The following CBFA2T2 variants were observed in gnomAD, a reference collection of about 807,000 sequenced individuals.
CBFA2T2 encodes CBFA2/RUNX1 partner transcriptional co-repressor 2.
A neutral mutation model predicts 62.2 loss-of-function variants in CBFA2T2; 11 were observed. The ratio of observed to expected loss-of-function variants is 0.18; its 90% CI spans 0.11 to 0.29. The LOEUF (loss-of-function observed/expected upper bound fraction) is 0.29. CBFA2T2 is among the 10% of genes least tolerant of loss of function. The pLI is 1.00. For synonymous variants in CBFA2T2, 295 were observed against 287.5 expected, an observed-to-expected ratio of 1.03 and a Z score of -0.27; for missense variants, 592 against 774.1, an observed-to-expected ratio of 0.76 and a Z score of 2.79.
intron 1 of CBFA2T2, among the ~76,000 whole-genome samples, chr20:33,538,259 C>T (rs1282515644): frequency 6.6e-6 from 1 of 151,956 alleles, no homozygotes; most frequent in Admixed American, 6.6e-5. Context: ...TTGGTCATTG[C>T]TACTCTATAG....
intron 1 of CBFA2T2, chr20:33,562,278 G>A: frequency 2.0e-6 from 1 of 511,046 alleles, no homozygotes; most frequent in Non-Finnish European, 2.5e-6. Context: ...GGAGCCACTG[G>A]GAGGTGTGTA....
At chr20:33,559,713 C>T (rs1327462066) in intron 1 of CBFA2T2, among the ~76,000 whole-genome samples, 6 of 152,026 alleles carry the variant, frequency 3.9e-5, no homozygotes, top group African/African-American at 1.4e-4. Context: ...GTCTTGATCT[C>T]CTGACCTTGT....
At chr20:33,602,722 A>G (rs2015185659) in intron 1 of CBFA2T2, among the ~76,000 whole-genome samples, 1 of 152,198 alleles carries the variant, frequency 6.6e-6, no homozygotes, top group Non-Finnish European at 1.5e-5. Flanking sequence ...CTTACAGTAG[A>G]TGTCAGCAAC....
At chr20:33,627,514 A>G (rs2016285653) in intron 6 of CBFA2T2, among the ~76,000 whole-genome samples, 2 of 152,282 alleles carry the variant, frequency 1.3e-5, no homozygotes, top group African/African-American at 4.8e-5. Flanking sequence ...AGAAAGAAGT[A>G]TGCTAAAAAC....
intron 1 of CBFA2T2, among the ~76,000 whole-genome samples, chr20:33,517,958 A>AT (rs915538819): frequency 2.7e-5 from 4 of 149,206 alleles, no homozygotes; most frequent in Non-Finnish European, 4.5e-5. Context: ...TTTTGCTTTT[A>AT]TTTTTTTTGA....
intron 6 of CBFA2T2, among the ~76,000 whole-genome samples, chr20:33,625,927 C>G (rs1489867486): frequency 1.3e-5 from 2 of 152,170 alleles, no homozygotes; most frequent in Non-Finnish European, 2.9e-5. Context: ...ACAGTGAAAC[C>G]CTGTCTCTAC....
At chr20:33,640,313 A>T in intron 9 of CBFA2T2, 28 bp from the exon 10 acceptor site, 1 of 1,598,586 alleles carries the variant, frequency 6.3e-7, no homozygotes, top group Non-Finnish European at 8.6e-7. Context: ...TTTCTCGGCC[A>T]GTTGATTTTA....
intron 1 of CBFA2T2, among the ~76,000 whole-genome samples, chr20:33,518,846 G>T (rs921105911): frequency 1.3e-5 from 2 of 151,330 alleles, no homozygotes; most frequent in Admixed American, 1.3e-4. Flanking sequence ...TTTTGAGACG[G>T]AGTCTGGCTC....
At chr20:33,595,748 C>CCTCACA (rs1568841595) in intron 1 of CBFA2T2, among the ~76,000 whole-genome samples, 2 of 151,760 alleles carry the variant, frequency 1.3e-5, no homozygotes, top group East Asian at 1.9e-4. Context: ...CCATGTTGGC[C>CCTCACA]AGGCTGGTCT....
At chr20:33,626,164 C>T (rs1341379167) in intron 6 of CBFA2T2, among the ~76,000 whole-genome samples, 1 of 152,124 alleles carries the variant, frequency 6.6e-6, no homozygotes, top group African/African-American at 2.4e-5. Flanking sequence ...TGCTTGAGCC[C>T]AAGAGGTCAA....
At chr20:33,567,918 AG>A (rs2013406219) in intron 1 of CBFA2T2, among the ~76,000 whole-genome samples, 1 of 152,180 alleles carries the variant, frequency 6.6e-6, no homozygotes, top group Non-Finnish European at 1.5e-5. Context: ...ATGTATGTAT[AG>A]GAGAAAACAT....
chr20:33,501,134 T>C (rs757111586), intron 1 of CBFA2T2, among the ~76,000 whole-genome samples: 4 of 152,220 alleles, frequency 2.6e-5, no homozygotes, highest in African/African-American at 4.8e-5. Context: ...TTGGTATCCT[T>C]CTGTCTGAAT....
chr20:33,564,615 G>A (rs1306575424), intron 1 of CBFA2T2, among the ~76,000 whole-genome samples: 2 of 151,660 alleles, frequency 1.3e-5, no homozygotes, highest in African/African-American at 4.8e-5. Flanking sequence ...CTCAAACTCT[G>A]TTGATCAGGC....
chr20:33,609,631 C>G (rs2015456114), intron 2 of CBFA2T2, among the ~76,000 whole-genome samples: 1 of 152,178 alleles, frequency 6.6e-6, no homozygotes, highest in Non-Finnish European at 1.5e-5. Context: ...GAGATGATAC[C>G]TGAACCGTAT....
chr20:33,512,819 T>G (rs1248306403), intron 1 of CBFA2T2, among the ~76,000 whole-genome samples: 1 of 151,020 alleles, frequency 6.6e-6, no homozygotes, highest in East Asian at 2.0e-4. Flanking sequence ...TGGCGCGATC[T>G]CGGGCTGACT....
At chr20:33,552,961 G>T (rs2012778278) in intron 1 of CBFA2T2, among the ~76,000 whole-genome samples, 2 of 152,166 alleles carry the variant, frequency 1.3e-5, no homozygotes, top group Non-Finnish European at 2.9e-5. Context: ...TTTCATCAGA[G>T]ATTATGTCTA....
At position 33,529,751 on chromosome 20, in the gene CBFA2T2, A is replaced by T. The variant is rs1185722188; in HGVS notation, c.34+39450A>T. On this transcript the variant is annotated intron_variant, in intron 1 of 10. Coordinates refer to ENST00000342704, the MANE Select transcript of CBFA2T2 (RefSeq NM_001032999.3). ...AAGAAAGAAGAAAGCAGTTATATAT[A>T]TATATATATATATATATATATATAT... 3.5e-3 allele frequency among the ~76,000 whole-genome samples: 7 copies of T among 1,988 alleles called. 1 individual carries two copies. The highest frequency in any genetic ancestry group is 0.071 in the Non-Finnish European group (1 of 14). 1.3% of individuals were successfully genotyped at this position (1,988 alleles called of 152,430 possible). A position where few individuals can be genotyped will look rare whatever the true frequency, so the allele number is the denominator to read the frequency against.
intron 1 of CBFA2T2, among the ~76,000 whole-genome samples, chr20:33,601,417 A>C (rs1268788046): frequency 6.6e-6 from 1 of 152,046 alleles, no homozygotes; most frequent in African/African-American, 2.4e-5. Flanking sequence ...GGTGTGTGCC[A>C]CCACGCCCAA....
intron 1 of CBFA2T2, among the ~76,000 whole-genome samples, chr20:33,599,401 G>A (rs1419461706): frequency 6.6e-6 from 1 of 152,108 alleles, no homozygotes; most frequent in African/African-American, 2.4e-5. Flanking sequence ...GCCTTTGGCA[G>A]GAAAAGTTTC....
Sources: gnomAD v4.1 joint callset for allele counts (sites outside exome capture counted in the v4.1 genomes callset) on GRCh38, gnomAD v4.1.1 for gene constraint, MANE v1.5 for transcripts, NCBI Gene and HGNC (gene_info 2026-07-23, HGNC 2026-07-21) for gene names.